Variants in GALNT9 observed in about 807,000 individuals in gnomAD.
GALNT9 encodes the protein GalNAc transferase 9.
GALNT9 carries 47 observed loss-of-function variants against 63.1 expected under a neutral mutation model. The ratio of observed to expected loss-of-function variants is 0.75; its 90% CI spans 0.59 to 0.95. The LOEUF (loss-of-function observed/expected upper bound fraction) is 0.95. Ranked by LOEUF, GALNT9 falls within the 40% of genes least tolerant of loss-of-function variation. The pLI, the probability that GALNT9 is intolerant of heterozygous loss-of-function variation, is 0.00. For synonymous variants in GALNT9, 396 were observed against 365.7 expected (o/e 1.08, Z -0.94); for missense variants, 829 against 874.8 (o/e 0.95, Z 0.66).
intron 5 of GALNT9, among the ~76,000 whole-genome samples, chr12:132,256,530 C>A (rs1261120092): frequency 2.7e-5 from 4 of 148,278 alleles, no homozygotes; most frequent in Non-Finnish European, 6.0e-5. Context: ...GAGAAAAACA[C>A]CTGGGAGTGG....
intron 1 of GALNT9, among the ~76,000 whole-genome samples, chr12:132,311,763 C>T (rs1343510293): frequency 7.2e-5 from 11 of 152,242 alleles, no homozygotes; most frequent in South Asian, 2.1e-4. Flanking sequence ...CATCACCTTC[C>T]GGCAATCCAG....
intron 7 of GALNT9, among the ~76,000 whole-genome samples, chr12:132,202,706 C>G (rs1469488481): frequency 2.0e-5 from 3 of 152,012 alleles, no homozygotes; most frequent in Non-Finnish European, 4.4e-5. Context: ...TCCCAGAACT[C>G]AGGGACCCAG....
chr12:132,264,810 A>C (rs1284991796), intron 2 of GALNT9, among the ~76,000 whole-genome samples: 3 of 152,174 alleles, frequency 2.0e-5, no homozygotes, highest in African/African-American at 7.2e-5. Flanking sequence ...GGCTCCTAGA[A>C]GTGGGGCCCG....
At chr12:132,291,340 ACCACAGCACCCACGT>A (rs1418084417) in intron 1 of GALNT9, among the ~76,000 whole-genome samples, 493 of 9,252 alleles carry the variant, frequency 0.053, 36 homozygotes, top group African/African-American at 0.17. Context: ...AGCACCCACA[ACCACAGCACCCACGT>A]CCACAGCACC....
intron 6 of GALNT9, among the ~76,000 whole-genome samples, chr12:132,204,785 G>C (rs1222261240): frequency 6.6e-6 from 1 of 152,010 alleles, no homozygotes; most frequent in African/African-American, 2.4e-5. Context: ...TTAAAAAAAG[G>C]CCGATGCCAC....
At chr12:132,211,848 C>T (rs1876967052) in intron 6 of GALNT9, among the ~76,000 whole-genome samples, 1 of 152,250 alleles carries the variant, frequency 6.6e-6, no homozygotes, top group South Asian at 2.1e-4. Flanking sequence ...AACAGCAGGC[C>T]ACGTGCTCAC....
chr12:132,214,076 G>A (rs1187048678), intron 6 of GALNT9, among the ~76,000 whole-genome samples: 5 of 152,310 alleles, frequency 3.3e-5, no homozygotes, highest in East Asian at 1.9e-4. Flanking sequence ...GGTGAAAGCC[G>A]GGACACCACC....
rs1366357147 is a variant in GALNT9 at position 132,300,430 on chromosome 12, C to T, written c.239-14000G>A. On this transcript the variant is annotated intron_variant, in intron 1 of 10. Transcript: ENST00000328957. Reference sequence around the variant, plus strand: ...TCACCCACTCCCACCACACCTAACGCACCCCTGAGATAACCAAGCCACTGC... The same window carrying T: ...TCACCCACTCCCACCACACCTAACGTACCCCTGAGATAACCAAGCCACTGC... 3.2e-4 allele frequency among the ~76,000 whole-genome samples: 46 copies of T among 141,554 alleles called. 1 individual carries two copies. Among genetic ancestry groups the T allele is most frequent in the Non-Finnish European group, 6.3e-4 (41 of 64,784 alleles). 92.9% of individuals were successfully genotyped at this position (141,554 alleles called of 152,430 possible).
At chr12:132,328,027 G>A (rs1384164507) in intron 1 of GALNT9, among the ~76,000 whole-genome samples, 1 of 152,230 alleles carries the variant, frequency 6.6e-6, no homozygotes, top group African/African-American at 2.4e-5. Context: ...GCAGAAGCCT[G>A]AATCATCGGC....
Position 132,286,609 on chromosome 12 carries a change from GGAGT to G in GALNT9, c.239-183_239-180del, listed in dbSNP as rs1593105587. 2.7e-6 allele frequency: 3 copies of G among 1,096,370 alleles called. No individual in the cohort carries two copies. In the East Asian group the frequency reaches 8.0e-5, roughly 29 times the overall value. 67.9% of individuals were successfully genotyped at this position (1,096,370 alleles called of 1,614,324 possible). ...TTCCAGAAAGTGCAAGGCTGTGCGC[GGAGT>G]GAGAGGGCGGTGCCAGGCGGAAGAG... On this transcript the variant is annotated intron_variant, in intron 1 of 10. Coordinates refer to ENST00000328957, the MANE Select transcript of GALNT9 (RefSeq NM_001122636.2). The surrounding 1 kb of genome is among the most constrained non-coding windows in gnomAD (Gnocchi z 7.4).
Position 132,197,855 on chromosome 12 carries a change from C to T in GALNT9, c.1602G>A (p.Met534Ile), listed in dbSNP as rs1251190796. Residue 534 changes from methionine to isoleucine, a missense_variant, in exon 10 of 11, where the codon ATG (methionine) becomes ATA (isoleucine). Physicochemically the swap from Met to Ile is conservative, Grantham distance 10. Transcript: ENST00000328957. The stretch of plus-strand genomic sequence containing the variant: ...CATCCTCACACTTCTTCAGGGTGGG[C>T]ATGCGGCCCGTGCCGTCATCCACCA... ...KCLVDDGTGR[M>I]PTLKKCEDVA... 3 of 1,606,308 alleles carry T rather than the reference C, an allele frequency of 1.9e-6. No individual in the cohort carries two copies. Among genetic ancestry groups the T allele is most frequent in the Non-Finnish European group, 2.5e-6 (3 of 1,177,282 alleles).
intron 2 of GALNT9, among the ~76,000 whole-genome samples, chr12:132,285,705 G>A (rs970112020): frequency 1.3e-5 from 2 of 152,246 alleles, no homozygotes; most frequent in Non-Finnish European, 2.9e-5. Flanking sequence ...TCTGCTGCGT[G>A]AGCCATGGTG....
intron 5 of GALNT9, among the ~76,000 whole-genome samples, 167 bp downstream of exon 5, chr12:132,257,522 C>A (rs1271531919): frequency 8.5e-6 from 1 of 118,102 alleles, no homozygotes; most frequent in East Asian, 2.5e-4. Context: ...ACGCCCTCGT[C>A]CCCGGCCCTC....
At position 132,256,596 on chromosome 12, in the gene GALNT9, G is replaced by A. The variant is rs1189948635; in HGVS notation, c.959+1093C>T. On this transcript the variant is annotated intron_variant, in intron 5 of 10. Transcript: ENST00000328957. ...GGGACACTGGAGGGGACAGTGGAGG[G>A]GGACAGTGGAGGGGGAACACTGGAG... Among the ~76,000 whole-genome samples the A allele has an allele frequency of 5.8e-5, 7 of 121,446 alleles. No individual in the cohort carries two copies. The East Asian group carries it at 1.9e-3, about 32-fold the overall frequency. 79.7% of individuals were successfully genotyped at this position (121,446 alleles called of 152,430 possible). A position where few individuals can be genotyped will look rare whatever the true frequency, so the allele number is the denominator to read the frequency against.
chr12:132,210,963 CCAT>C (rs960345387), intron 6 of GALNT9, among the ~76,000 whole-genome samples: 2 of 152,084 alleles, frequency 1.3e-5, no homozygotes, highest in Admixed American at 1.3e-4. Context: ...CCTGGCAAAA[CCAT>C]CACACTTGAG....
At chr12:132,244,605 G>A (rs1215285522) in intron 6 of GALNT9, among the ~76,000 whole-genome samples, 2 of 30,100 alleles carry the variant, frequency 6.6e-5, no homozygotes, top group Non-Finnish European at 1.1e-4. Flanking sequence ...GGGGCTGGAC[G>A]GGGGGGCGTG....
intron 1 of GALNT9, among the ~76,000 whole-genome samples, chr12:132,295,922 ACGGCCTCCGAACAGGG>A (rs1881047060): frequency 1.4e-5 from 1 of 71,696 alleles, no homozygotes; most frequent in Non-Finnish European, 2.8e-5. Context: ...CCGAACAGGG[ACGGCCTCCGAACAGGG>A]ACGGCCTCCG....
chr12:132,287,059 GCCCCCCCC>G (rs57471643), intron 1 of GALNT9, among the ~76,000 whole-genome samples: 2 of 80,520 alleles, frequency 2.5e-5, no homozygotes, highest in Admixed American at 1.7e-4. Context: ...CTGAGTGAGC[GCCCCCCCC>G]CCCCCCCGTG....
chr12:132,199,883 C>T (rs912367704), intron 8 of GALNT9, among the ~76,000 whole-genome samples: 7 of 152,124 alleles, frequency 4.6e-5, no homozygotes, highest in East Asian at 1.9e-4. Context: ...TTGTCCACCG[C>T]GTCTCCAGGC....
Sources: allele counts gnomAD v4.1 joint callset (sites outside exome capture counted in the v4.1 genomes callset), GRCh38; gene constraint gnomAD v4.1.1; non-coding constraint Gnocchi (gnomAD v3.1); transcripts MANE v1.5; gene names NCBI Gene and HGNC (gene_info 2026-07-23, HGNC 2026-07-21).